The following ARHGEF3 variants were observed in gnomAD, a reference collection of about 807,000 sequenced individuals.
The protein encoded by ARHGEF3 is Rho guanine nucleotide exchange factor 3.
ARHGEF3 carries 28 observed loss-of-function variants against 63.2 expected under a neutral mutation model. The observed-to-expected ratio is 0.44, with a 90% CI of 0.33 to 0.61. ARHGEF3 has a LOEUF of 0.61. Ranked by LOEUF, ARHGEF3 falls within the 20% of genes least tolerant of loss-of-function variation. The pLI, the probability that ARHGEF3 is intolerant of heterozygous loss-of-function variation, is 0.03. For synonymous variants in ARHGEF3, 266 were observed against 254.2 expected (o/e 1.05, Z -0.44); for missense variants, 533 against 659.3 (o/e 0.81, Z 2.10).
At chr3:56,902,458 G>A (rs368741694) in intron 3 of ARHGEF3, among the ~76,000 whole-genome samples, 40 of 152,340 alleles carry the variant, frequency 2.6e-4, no homozygotes, top group African/African-American at 9.6e-4. Context: ...GCCCTGCACA[G>A]AGCAGAGAGA....
chr3:57,021,678 G>A (rs918967355), intron 2 of ARHGEF3, among the ~76,000 whole-genome samples: 38 of 151,626 alleles, frequency 2.5e-4, no homozygotes, highest in Admixed American at 1.1e-3. Context: ...ACTTGAGCCC[G>A]GGAGGCAGAG....
At chr3:57,067,703 C>T (rs931476374) in intron 1 of ARHGEF3, among the ~76,000 whole-genome samples, 50 of 150,740 alleles carry the variant, frequency 3.3e-4, no homozygotes, top group African/African-American at 1.0e-3. Context: ...GGCGTGAGAC[C>T]AGGCACGGTG....
intron 3 of ARHGEF3, among the ~76,000 whole-genome samples, chr3:56,945,900 C>T (rs928967785): frequency 2.6e-4 from 39 of 152,294 alleles, no homozygotes; most frequent in Middle Eastern, 3.4e-3. Context: ...ACTGACACCT[C>T]ACACGGCCGG....
intron 2 of ARHGEF3, among the ~76,000 whole-genome samples, chr3:57,013,825 T>C (rs1332641556): frequency 2.0e-5 from 3 of 152,114 alleles, no homozygotes; most frequent in African/African-American, 7.2e-5. Context: ...CAGCTCTCTG[T>C]AAAATGGACC....
chr3:56,936,865 A>G (rs984740825), intron 3 of ARHGEF3, among the ~76,000 whole-genome samples: 40 of 152,172 alleles, frequency 2.6e-4, no homozygotes, highest in African/African-American at 9.4e-4. Context: ...GACTACAGGC[A>G]TGCACCACCA....
At chr3:57,055,163 C>CTTTTTTT (rs71623876) in intron 1 of ARHGEF3, among the ~76,000 whole-genome samples, 1 of 135,306 alleles carries the variant, frequency 7.4e-6, no homozygotes, top group African/African-American at 2.7e-5. Flanking sequence ...TCTCTTTATG[C>CTTTTTTT]TTTTTTTTTT....
At chr3:56,967,700 A>G (rs1392511901) in intron 2 of ARHGEF3, among the ~76,000 whole-genome samples, 2 of 72,142 alleles carry the variant, frequency 2.8e-5, no homozygotes, top group African/African-American at 1.1e-4. Flanking sequence ...AACATAATAA[A>G]CATTATATTA....
chr3:56,863,769 G>A (rs1281290239), intron 4 of ARHGEF3, among the ~76,000 whole-genome samples: 4 of 152,084 alleles, frequency 2.6e-5, no homozygotes, highest in Admixed American at 2.0e-4. Flanking sequence ...CTGAAAAACC[G>A]ATAGCACTCA....
intron 4 of ARHGEF3, among the ~76,000 whole-genome samples, chr3:56,822,097 AG>A (rs2038529853): frequency 6.6e-6 from 1 of 152,226 alleles, no homozygotes; most frequent in Admixed American, 6.5e-5. Context: ...TCATCTAAAT[AG>A]TGATAATTAG....
intron 3 of ARHGEF3, among the ~76,000 whole-genome samples, chr3:56,934,569 G>A (rs1033932060): frequency 1.5e-4 from 23 of 152,312 alleles, no homozygotes; most frequent in Non-Finnish European, 2.4e-4. Context: ...AGCAGCTGCC[G>A]GCTCTGCCAG....
At chr3:57,036,710 A>T (rs1277085981) in intron 1 of ARHGEF3, among the ~76,000 whole-genome samples, 1 of 152,194 alleles carries the variant, frequency 6.6e-6, no homozygotes, top group Admixed American at 6.5e-5. Context: ...GGGATAGTGT[A>T]TTGGTCTCCA....
intron 1 of ARHGEF3, among the ~76,000 whole-genome samples, chr3:57,058,149 A>C (rs936436103): frequency 3.3e-5 from 5 of 152,130 alleles, no homozygotes; most frequent in African/African-American, 1.2e-4. Context: ...CTGAAAGAAC[A>C]AGTTTCTTTC....
intron 2 of ARHGEF3, among the ~76,000 whole-genome samples, chr3:57,024,161 C>T (rs934957668): frequency 6.6e-6 from 1 of 152,078 alleles, no homozygotes; most frequent in Non-Finnish European, 1.5e-5. Flanking sequence ...CCCCAAAGTG[C>T]CCATTCCACC....
At chr3:56,768,408 G>A (rs1253135009) in intron 2 of ARHGEF3, among the ~76,000 whole-genome samples, 1 of 150,724 alleles carries the variant, frequency 6.6e-6, no homozygotes, top group African/African-American at 2.4e-5. Flanking sequence ...ACAATAGAAG[G>A]TAATTTAAAA....
At chr3:57,070,971 CAAAAAAA>C (rs1231328722) in intron 1 of ARHGEF3, among the ~76,000 whole-genome samples, 1 of 49,686 alleles carries the variant, frequency 2.0e-5, no homozygotes, top group African/African-American at 6.3e-5. Flanking sequence ...GACTCTGTCA[CAAAAAAA>C]AAAAAAAAAG....
intron 2 of ARHGEF3, among the ~76,000 whole-genome samples, chr3:56,993,478 G>A (rs754778050): frequency 2.3e-4 from 35 of 151,732 alleles, no homozygotes; most frequent in Admixed American, 3.9e-4. Flanking sequence ...GGGCTCAAGC[G>A]ATCCTCCTAC....
intron 7 of ARHGEF3, 148 bp downstream of exon 7, chr3:56,745,057 A>G: frequency 9.5e-6 from 10 of 1,055,370 alleles, no homozygotes; most frequent in Non-Finnish European, 1.2e-5. Context: ...TGCAAAATCA[A>G]AACATGGTTG....
chr3:56,945,088 T>C (rs1466293481), intron 3 of ARHGEF3, among the ~76,000 whole-genome samples: 1 of 152,170 alleles, frequency 6.6e-6, no homozygotes, highest in African/African-American at 2.4e-5. Flanking sequence ...AAAGAGTCAA[T>C]CAATGCAGCA....
intron 4 of ARHGEF3, among the ~76,000 whole-genome samples, chr3:56,876,990 G>A (rs1025858186): frequency 6.6e-6 from 1 of 152,234 alleles, no homozygotes; most frequent in African/African-American, 2.4e-5. Flanking sequence ...AATCTCCCAT[G>A]CCTGTGAGAT....
Sources: allele counts gnomAD v4.1 joint callset (sites outside exome capture counted in the v4.1 genomes callset), GRCh38; gene constraint gnomAD v4.1.1; transcripts MANE v1.5; gene names NCBI Gene and HGNC (gene_info 2026-07-23, HGNC 2026-07-21).